WWOX: variants seen among roughly 807,000 people sequenced by gnomAD.
The protein encoded by WWOX is WW domain containing oxidoreductase.
Under a neutral mutation model 46.2 loss-of-function variants are expected in WWOX, and 69 were observed. The observed-to-expected ratio is 1.49, with a 90% CI of 1.23 to 1.82. The LOEUF is 1.82. Among genes scored for constraint, WWOX ranks in the 40% most tolerant of loss-of-function variants. WWOX has a pLI of 0.00. For synonymous variants in WWOX, 359 were observed against 202.6 expected (o/e 1.77, Z -6.56); for missense variants, 919 against 542.6 (o/e 1.69, Z -6.89).
At chr16:79,039,439 G>C (rs760428087) in intron 8 of WWOX, among the ~76,000 whole-genome samples, 1 of 152,146 alleles carries the variant, frequency 6.6e-6, no homozygotes, top group Non-Finnish European at 1.5e-5. Flanking sequence ...AGGAGGAGCA[G>C]CTTCCTCCTG....
chr16:78,604,250 G>A (rs994539493), intron 8 of WWOX, among the ~76,000 whole-genome samples: 1 of 152,152 alleles, frequency 6.6e-6, no homozygotes, highest in Non-Finnish European at 1.5e-5. Context: ...TGTAACTCCT[G>A]GGGCACCCTT....
chr16:78,422,750 C>CAT (rs577129479), intron 6 of WWOX, among the ~76,000 whole-genome samples: 7,276 of 94,370 alleles, frequency 0.077, 937 homozygotes, highest in African/African-American at 0.36. Context: ...TATATATACA[C>CAT]ATATATACAC....
chr16:78,292,245 G>A (rs762040170), intron 5 of WWOX, among the ~76,000 whole-genome samples: 2 of 152,050 alleles, frequency 1.3e-5, no homozygotes, highest in African/African-American at 2.4e-5. Context: ...GAGGGCAGGG[G>A]CAACTCCTAT....
At chr16:78,445,693 A>T (rs949399953) in intron 8 of WWOX, among the ~76,000 whole-genome samples, 2 of 152,174 alleles carry the variant, frequency 1.3e-5, no homozygotes, top group South Asian at 2.1e-4. Context: ...CCTAGCTAAC[A>T]CGGTGAAACC....
intron 8 of WWOX, among the ~76,000 whole-genome samples, chr16:78,495,527 G>C (rs1361556015): frequency 7.6e-6 from 1 of 131,070 alleles, no homozygotes; most frequent in Non-Finnish European, 1.7e-5. Flanking sequence ...TTTTTTTTTG[G>C]AGATGGAGTC....
chr16:79,165,872 C>A (rs774099457), intron 8 of WWOX, among the ~76,000 whole-genome samples: 1 of 152,184 alleles, frequency 6.6e-6, no homozygotes, highest in East Asian at 1.9e-4. Context: ...GTCTAAGCAC[C>A]CGTCCCTCTT....
chr16:79,045,401 C>T (rs1256533882), intron 8 of WWOX, among the ~76,000 whole-genome samples: 3 of 152,108 alleles, frequency 2.0e-5, no homozygotes, highest in South Asian at 2.1e-4. Context: ...GGCTCCCACT[C>T]CAGAGAGATG....
At chr16:78,247,244 A>G (rs1007641726) in intron 5 of WWOX, among the ~76,000 whole-genome samples, 1 of 152,028 alleles carries the variant, frequency 6.6e-6, no homozygotes, top group Non-Finnish European at 1.5e-5. Flanking sequence ...ATCTGTTTTC[A>G]CTGACATTGT....
intron 4 of WWOX, among the ~76,000 whole-genome samples, chr16:78,136,455 C>A (rs1385846994): frequency 6.6e-6 from 1 of 152,174 alleles, no homozygotes; most frequent in African/African-American, 2.4e-5. Flanking sequence ...TCTCTTTAGA[C>A]CTTACTGGAT....
At chr16:78,302,824 T>G (rs1376230534) in intron 5 of WWOX, among the ~76,000 whole-genome samples, 2 of 152,242 alleles carry the variant, frequency 1.3e-5, no homozygotes, top group African/African-American at 4.8e-5. Context: ...TTATGCAATT[T>G]GCCAGCTCCC....
At chr16:78,617,007 C>A (rs2046041695) in intron 8 of WWOX, among the ~76,000 whole-genome samples, 1 of 152,138 alleles carries the variant, frequency 6.6e-6, no homozygotes, top group Non-Finnish European at 1.5e-5. Flanking sequence ...GACACAAAAC[C>A]CAGCGTGGTG....
chr16:78,427,041 C>T (rs1240009997), intron 7 of WWOX, among the ~76,000 whole-genome samples: 1 of 152,172 alleles, frequency 6.6e-6, no homozygotes, highest in African/African-American at 2.4e-5. Flanking sequence ...CGCATTGCAT[C>T]CCTTGGCTCC....
intron 8 of WWOX, among the ~76,000 whole-genome samples, chr16:78,666,481 A>C (rs1373869829): frequency 6.6e-6 from 1 of 152,132 alleles, no homozygotes; most frequent in Non-Finnish European, 1.5e-5. Flanking sequence ...GAATATTGTA[A>C]TTTGCCTTTA....
At chr16:78,564,863 G>C (rs540971868) in intron 8 of WWOX, among the ~76,000 whole-genome samples, 1 of 150,402 alleles carries the variant, frequency 6.6e-6, no homozygotes, top group African/African-American at 2.4e-5. Context: ...TTTTTCTTTT[G>C]CTCCCTTTTC....
chr16:79,141,608 T>C (rs1228149948), intron 8 of WWOX, among the ~76,000 whole-genome samples: 1 of 152,226 alleles, frequency 6.6e-6, no homozygotes, highest in African/African-American at 2.4e-5. Flanking sequence ...GATTCAAAAA[T>C]GTCCTCCAAA....
chr16:78,339,324 C>T lies in WWOX; in HGVS notation c.517-47536C>T, dbSNP rs1336308908. Reference sequence around the variant, plus strand: ...TTGTGATGTACCTATCATTCAACCTCAAACTTTCATGTGATTGTCTAAATC... The same window carrying T: ...TTGTGATGTACCTATCATTCAACCTTAAACTTTCATGTGATTGTCTAAATC... On this transcript the variant is annotated intron_variant, in intron 5 of 8. Coordinates refer to ENST00000566780, the MANE Select transcript of WWOX (RefSeq NM_016373.4). Among the ~76,000 whole-genome samples the T allele has an allele frequency of 1.9e-5, 2 of 106,830 alleles. 1 individual carries two copies. The highest frequency in any genetic ancestry group is 4.3e-5 in the Non-Finnish European group (2 of 46,320). 70.1% of individuals were successfully genotyped at this position (106,830 alleles called of 152,430 possible).
intron 8 of WWOX, among the ~76,000 whole-genome samples, chr16:78,578,254 T>TTATATATATATATATATATATA (rs1194130355): frequency 8.9e-4 from 28 of 31,632 alleles, no homozygotes; most frequent in Non-Finnish European, 1.5e-3. Flanking sequence ...ATACCAAATT[T>TTATATATATATATATATATATA]TATATATATA....
intron 8 of WWOX, among the ~76,000 whole-genome samples, chr16:78,986,281 G>C (rs934169173): frequency 6.6e-6 from 1 of 152,232 alleles, no homozygotes; most frequent in African/African-American, 2.4e-5. Context: ...AGATGCCATA[G>C]GTAGAGGTGC....
chr16:78,196,519 G>C (rs1275063539), intron 5 of WWOX, among the ~76,000 whole-genome samples: 6 of 152,140 alleles, frequency 3.9e-5, no homozygotes, highest in Admixed American at 3.9e-4. Context: ...TACCCACCTA[G>C]CCTCTTATTA....
Sources: gnomAD v4.1 joint callset for allele counts (sites outside exome capture counted in the v4.1 genomes callset) on GRCh38, gnomAD v4.1.1 for gene constraint, MANE v1.5 for transcripts, NCBI Gene and HGNC (gene_info 2026-07-23, HGNC 2026-07-21) for gene names.